Variants in PKD1L1 observed in about 807,000 individuals in gnomAD.
PKD1L1 encodes polycystin 1 like 1, transient receptor potential channel interacting, also known as polycystin-1-like protein 1.
Under a neutral mutation model 323.4 loss-of-function variants are expected in PKD1L1, and 236 were observed. That is an observed-to-expected ratio of 0.73 (90% CI 0.66 to 0.81). The LOEUF is 0.81. Ranked by LOEUF, PKD1L1 falls within the 40% of genes least tolerant of loss-of-function variation. The probability of loss-of-function intolerance (pLI) is 0.00; values close to 1 mark genes in which losing one functional copy is unlikely to be tolerated. For missense variants in PKD1L1, 3,320 were observed against 3,508.0 expected, an observed-to-expected ratio of 0.95 and a Z score of 1.35; for synonymous variants, 1,344 against 1,335.0, an observed-to-expected ratio of 1.01 and a Z score of -0.15.
chr7:47,853,527 G>A (rs560190849), intron 30 of PKD1L1, among the ~76,000 whole-genome samples: 1 of 152,248 alleles, frequency 6.6e-6, no homozygotes, highest in South Asian at 2.1e-4. Flanking sequence ...CGGACCACCT[G>A]AGGTTGGGAG....
At position 47,813,329 on chromosome 7, in the gene PKD1L1, C is replaced by T. The variant is rs372700702; in HGVS notation, c.7174-36G>A. Reference sequence around the variant, plus strand: ...AACCAGCAGTCAGAAGACACAGATACTATTCCCAAGGCTACCCTGCAATCC... The same window carrying T: ...AACCAGCAGTCAGAAGACACAGATATTATTCCCAAGGCTACCCTGCAATCC... On this transcript the variant is annotated intron_variant, in intron 48 of 56. Transcript: ENST00000289672. 17 of 1,610,254 alleles carry T rather than the reference C, an allele frequency of 1.1e-5. No homozygotes were observed. In the African/African-American group the frequency reaches 1.7e-4, roughly 16 times the overall value.
At chr7:47,933,481 G>A (rs1043614774) in intron 4 of PKD1L1, among the ~76,000 whole-genome samples, 49 of 152,014 alleles carry the variant, frequency 3.2e-4, no homozygotes, top group African/African-American at 1.1e-3. Flanking sequence ...TATTAACTTT[G>A]CCTCGGTTTC....
At chr7:47,790,853 C>A (rs760041059) in intron 56 of PKD1L1, among the ~76,000 whole-genome samples, 2 of 151,762 alleles carry the variant, frequency 1.3e-5, no homozygotes, top group African/African-American at 4.8e-5. Context: ...ACCTCCTGGA[C>A]CCCAGTAATC....
In PKD1L1 at chr7:47,887,729, T is replaced by A. The variant is rs189372384; in HGVS notation, c.2836+261A>T. Among the ~76,000 whole-genome samples the A allele has an allele frequency of 4.3e-3, 660 of 152,272 alleles. 7 individuals are homozygous for A. The highest frequency in any genetic ancestry group is 6.7e-3 in the Non-Finnish European group (455 of 68,022). Reference sequence around the variant, plus strand: ...GTGGCTTTAGCTCAATAAAACTGCCTACACAGGTGTTGGGCGCAGCCTTCC... The same window carrying A: ...GTGGCTTTAGCTCAATAAAACTGCCAACACAGGTGTTGGGCGCAGCCTTCC... On this transcript the variant is annotated intron_variant, in intron 17 of 56. Transcript: ENST00000289672.
chr7:47,780,625 C>A (rs1200484429), intron 56 of PKD1L1, among the ~76,000 whole-genome samples: 2 of 137,666 alleles, frequency 1.5e-5, no homozygotes, highest in African/African-American at 5.3e-5. Context: ...GAAGACTCCA[C>A]CTCAAAAAAA....
chr7:47,861,004 C>A (rs1171766459), intron 26 of PKD1L1, among the ~76,000 whole-genome samples: 1 of 152,196 alleles, frequency 6.6e-6, no homozygotes, highest in Non-Finnish European at 1.5e-5. Flanking sequence ...AGGCAGCATA[C>A]CTTCTCCATG....
At position 47,840,521 on chromosome 7, in the gene PKD1L1, T is replaced by C; in HGVS notation, c.5492A>G (p.Glu1831Gly). The change falls in exon 35 of 57, where the codon GAG becomes GGG. Residue 1831 changes from glutamate to glycine, a missense_variant. Glu to Gly is a moderately conservative substitution (Grantham distance 98). Transcript: ENST00000289672. The surrounding 1 kb of genome is among the most constrained non-coding windows in gnomAD (Gnocchi z 4.1). The part of the protein sequence containing the change: ...CGDNGLSETK[E>G]LSCPEKPLFE... Reference sequence around the variant, plus strand: ...CAGGGGCTTCTCTGGACAGGAGAGCTCCTTGGTTTCTGACAGTCCATTGTC... The same window carrying C: ...CAGGGGCTTCTCTGGACAGGAGAGCCCCTTGGTTTCTGACAGTCCATTGTC... 1 of 1,614,172 alleles carries C rather than the reference T, an allele frequency of 6.2e-7. No homozygotes were observed.
chr7:47,791,970 G>C (rs1786960022), intron 56 of PKD1L1, among the ~76,000 whole-genome samples: 1 of 152,188 alleles, frequency 6.6e-6, no homozygotes, highest in Non-Finnish European at 1.5e-5. Flanking sequence ...TGCAAGTAGT[G>C]TGACTCTAGG....
At chr7:47,899,694 A>C (rs185522313) in intron 13 of PKD1L1, among the ~76,000 whole-genome samples, 89 of 152,196 alleles carry the variant, frequency 5.8e-4, no homozygotes, top group African/African-American at 1.7e-3. Context: ...CGGTGACGCA[A>C]GCCTGTAATC....
chr7:47,780,760 A>T (rs965053932), intron 56 of PKD1L1, among the ~76,000 whole-genome samples: 3 of 152,078 alleles, frequency 2.0e-5, no homozygotes, highest in African/African-American at 7.2e-5. Flanking sequence ...TTTTGTCTTT[A>T]TTGCTTAGTA....
intron 28 of PKD1L1, among the ~76,000 whole-genome samples, chr7:47,856,039 T>C (rs949673387): frequency 6.6e-5 from 10 of 151,982 alleles, no homozygotes; most frequent in Non-Finnish European, 1.2e-4. Flanking sequence ...TCTATATGTA[T>C]ATCTATATAT....
At chr7:47,789,201 T>C (rs888722523) in intron 56 of PKD1L1, among the ~76,000 whole-genome samples, 4 of 152,218 alleles carry the variant, frequency 2.6e-5, no homozygotes, top group African/African-American at 9.6e-5. Context: ...TTTGGTGTAT[T>C]TTCTCTGTGA....
At chr7:47,847,152 G>C in intron 31 of PKD1L1, 81 bp from the exon 32 acceptor site, 3 of 1,152,824 alleles carry the variant, frequency 2.6e-6, no homozygotes, top group Non-Finnish European at 3.5e-6. Flanking sequence ...AGACAGAGTA[G>C]GCAGATAGGT....
chr7:47,931,850 T>C, intron 5 of PKD1L1, 86 bp downstream of exon 5: 1 of 1,477,206 alleles, frequency 6.8e-7, no homozygotes, highest in Non-Finnish European at 9.1e-7. Flanking sequence ...TGAGGCCGCC[T>C]ACATACGGGT....
chr7:47,780,191 C>T (rs562034466), intron 56 of PKD1L1, among the ~76,000 whole-genome samples: 3 of 152,228 alleles, frequency 2.0e-5, no homozygotes, highest in Admixed American at 6.5e-5. Context: ...ATACAATTAA[C>T]GTAAAGAACA....
chr7:47,927,604 A>T (rs1787680204), intron 7 of PKD1L1, among the ~76,000 whole-genome samples: 1 of 152,188 alleles, frequency 6.6e-6, no homozygotes, highest in Admixed American at 6.5e-5. Flanking sequence ...TTGAAACCCC[A>T]TATTAGATGG....
chr7:47,896,345 A>T (rs534629629), intron 14 of PKD1L1, among the ~76,000 whole-genome samples: 1 of 151,640 alleles, frequency 6.6e-6, no homozygotes, highest in Non-Finnish European at 1.5e-5. Flanking sequence ...AAAAAAAAAA[A>T]AAAAAAAAAG....
Position 47,884,635 on chromosome 7 carries a change from G to A in PKD1L1, c.3228C>T (p.Asp1076=), listed in dbSNP as rs79566365. The change falls in exon 19 of 57, where the codon GAC becomes GAT. Residue 1076 remains aspartate (D), a synonymous_variant. Transcript: ENST00000289672. The part of the protein sequence containing the change: ...HLSDFEAYYS[D]IQEAIPSGGR... ...CTCCCGATGGTATTGCTTCTTGAAT[G>A]TCACTGTAATAGGCTTCAAAATCTA... The A allele has an allele frequency of 0.015, 23,515 of 1,613,630 alleles. 813 individuals carry two copies. Among genetic ancestry groups the A allele is most frequent in the African/African-American group, 0.14 (10,462 of 74,886 alleles).
chr7:47,807,552 C>G (rs889630224), intron 52 of PKD1L1, among the ~76,000 whole-genome samples: 1 of 152,096 alleles, frequency 6.6e-6, no homozygotes, highest in African/African-American at 2.4e-5. Context: ...TAGGGAGGGG[C>G]TAGATCTGAG....
Sources: allele counts gnomAD v4.1 joint callset (sites outside exome capture counted in the v4.1 genomes callset), GRCh38; gene constraint gnomAD v4.1.1; non-coding constraint Gnocchi (gnomAD v3.1); transcripts MANE v1.5; gene names NCBI Gene and HGNC (gene_info 2026-07-23, HGNC 2026-07-21).